DACT1: variants seen among roughly 807,000 people sequenced by gnomAD.
DACT1 encodes dapper homolog 1.
A neutral mutation model predicts 35.3 loss-of-function variants in DACT1; 19 were observed. The observed-to-expected ratio is 0.54, with a 90% confidence interval of 0.38 to 0.79. The LOEUF (loss-of-function observed/expected upper bound fraction) is 0.79. Ranked by LOEUF, DACT1 falls within the 30% of genes least tolerant of loss-of-function variation. The probability of loss-of-function intolerance (pLI) is 0.00; values close to 1 mark genes in which losing one functional copy is unlikely to be tolerated. For missense variants in DACT1, 1,143 were observed against 1,057.5 expected (o/e 1.08, Z -1.12); for synonymous variants, 545 against 466.7 (o/e 1.17, Z -2.16).
In DACT1 at chr14:58,645,723, C is replaced by T. The variant is rs564164674; in HGVS notation, c.989C>T (p.Thr330Met). ...AGAACCAGCGTGAACGCTGACCCCA[C>T]GAAAGGGCTTCTGAGGAACGGGAGC... ...KPRTSVNADP[T>M]KGLLRNGSVC... The change falls in exon 4 of 4, where the codon ACG becomes ATG. Residue 330 changes from threonine (T) to methionine (M), a missense_variant. Coordinates refer to ENST00000395153, the MANE Select transcript of DACT1 (RefSeq NM_001079520.2). 4 of 1,614,118 alleles carry T rather than the reference C, an allele frequency of 2.5e-6. No individual in the cohort carries two copies. Among genetic ancestry groups the T allele is most frequent in the African/African-American group, 1.3e-5 (1 of 74,944 alleles).
chr14:58,647,473 C>A lies in DACT1; in HGVS notation c.*339C>A. The A allele has an allele frequency of 3.3e-6, 1 of 302,440 alleles. No homozygotes were observed. 18.7% of individuals were successfully genotyped at this position (302,440 alleles called of 1,614,324 possible). ...TTTTATTGGGATAAGATCTTTTGAT[C>A]CCAAGGTCAGGTGGATGGAATTTTT... On this transcript the variant is annotated 3_prime_UTR_variant, in exon 4 of 4. Coordinates refer to ENST00000395153, the MANE Select transcript of DACT1 (RefSeq NM_001079520.2).
chr14:58,638,717 G>A (rs984686711), intron 1 of DACT1, 170 bp downstream of exon 1: 10 of 1,183,646 alleles, frequency 8.4e-6, no homozygotes, highest in African/African-American at 1.6e-5. Flanking sequence ...TGCCCGCGGC[G>A]TGTGGGCTGC....
chr14:58,637,266 A>G (rs920405200), upstream of DACT1, among the ~76,000 whole-genome samples: 2 of 152,282 alleles, frequency 1.3e-5, no homozygotes, highest in Admixed American at 6.5e-5. Context: ...GTAGGCTTGT[A>G]AAAGAATTGA....
intron 1 of DACT1, among the ~76,000 whole-genome samples, chr14:58,639,786 C>G (rs900634420): frequency 1.3e-5 from 2 of 152,242 alleles, no homozygotes; most frequent in Non-Finnish European, 2.9e-5. Flanking sequence ...TGGCATTTTA[C>G]TGTGCTGCTT....
At chr14:58,639,225 T>C in intron 1 of DACT1, 1 of 985,450 alleles carries the variant, frequency 1.0e-6, no homozygotes, top group Non-Finnish European at 1.2e-6. Context: ...CCAGCTGTGA[T>C]TGGTGGTGGA....
At chr14:58,634,397 T>C (rs2047560846), upstream of DACT1, among the ~76,000 whole-genome samples, 1 of 152,236 alleles carries the variant, frequency 6.6e-6, no homozygotes, top group Non-Finnish European at 1.5e-5. Flanking sequence ...CGCTTCTTTT[T>C]TCTTGATCTT....
upstream of DACT1, among the ~76,000 whole-genome samples, chr14:58,637,633 T>C (rs1405668810): frequency 6.6e-6 from 1 of 152,150 alleles, no homozygotes; most frequent in African/African-American, 2.4e-5. Flanking sequence ...CGCGGCCGAC[T>C]GTAACAGGAT....
intron 3 of DACT1, 81 bp from the exon 4 acceptor site, chr14:58,645,288 G>T (rs780225052): frequency 6.2e-7 from 1 of 1,614,100 alleles, no homozygotes; most frequent in Admixed American, 1.7e-5. Context: ...TATAAAGAAG[G>T]CCACTGTGAA....
rs2140221668 is a variant in DACT1, at chr14:58,647,222, T to TAAA, written c.*90_*91insAAA. 1.4e-6 allele frequency: 2 copies of TAAA among 1,430,946 alleles called. No individual in the cohort carries two copies. The highest frequency in any genetic ancestry group is 2.5e-5 in the South Asian group (2 of 80,116). The allele number at this position is 1,430,946 out of a possible 1,614,324, so 88.6% of individuals were successfully genotyped here. On this transcript the variant is annotated 3_prime_UTR_variant, in exon 4 of 4. Transcript: ENST00000395153. Reference sequence around the variant, plus strand: ...AAAAGGTGGTGTTTTCATTTTTGTATAATACTTTAATGGAATGCTTTTTAA... The same window carrying TAAA: ...AAAAGGTGGTGTTTTCATTTTTGTATAAAAATACTTTAATGGAATGCTTTTTAA...
rs777468833 is a variant in DACT1, at chr14:58,646,413, G to T, written c.1679G>T (p.Gly560Val). ...CCAGCCCTCCAGGGGCTGGAGAACG[G>T]CTTGCCCACCGTCAGGGAGAAAACG... ...RGPALQGLEN[G>V]LPTVREKTRA... Residue 560 changes from glycine (G) to valine (V), a missense_variant, in exon 4 of 4, where the codon GGC (glycine) becomes GTC (valine). Physicochemically the swap from Gly to Val is moderately radical, Grantham distance 109 (BLOSUM62 -3). Transcript: ENST00000395153. 7 of 1,600,546 alleles carry T rather than the reference G, an allele frequency of 4.4e-6. No homozygotes were observed. In the South Asian group the frequency reaches 6.7e-5, roughly 15 times the overall value.
In DACT1 at chr14:58,646,583, G is replaced by A; in HGVS notation, c.1849G>A (p.Gly617Arg). ...GCCCGCGGGCGGGGGCCACAGGGCG[G>A]GGAGCAGGGCGCATGGCCACGGACG... ...GRPAGGGHRA[G>R]SRAHGHGREA... The change falls in exon 4 of 4, where the codon GGG becomes AGG. Residue 617 changes from glycine to arginine, a missense_variant. By Grantham distance (125) the Gly-to-Arg change is moderately radical. This residue lies in a region of DACT1 where 1,054 missense variants were observed against 958.8 expected (regional missense o/e 1.10). Transcript: ENST00000395153. 2 of 1,578,970 alleles carry A rather than the reference G, an allele frequency of 1.3e-6. No individual in the cohort carries two copies. Among genetic ancestry groups the A allele is most frequent in the South Asian group, 1.1e-5 (1 of 87,460 alleles).
chr14:58,638,809 C>G (rs759559327), intron 1 of DACT1: 210 of 1,169,852 alleles, frequency 1.8e-4, no homozygotes, highest in Non-Finnish European at 2.1e-4. Context: ...GGCCGCTCTT[C>G]CCTCCTCCTC....
rs540517662 is a variant in DACT1 at position 58,641,880 on chromosome 14, T to G, written c.634+133T>G. 3.8e-5 allele frequency: 31 copies of G among 809,522 alleles called. No individual in the cohort carries two copies. In the South Asian group the frequency reaches 5.5e-4, roughly 14 times the overall value. 50.1% of individuals were successfully genotyped at this position (809,522 alleles called of 1,614,324 possible). Reference sequence around the variant, plus strand: ...CACTTTGCGGCATTTAGTGCCATACTTACATCTAGAACTCAGTTTCATCTA... The same window carrying G: ...CACTTTGCGGCATTTAGTGCCATACGTACATCTAGAACTCAGTTTCATCTA... On this transcript the variant is annotated intron_variant, in intron 3 of 3. Coordinates refer to ENST00000395153, the MANE Select transcript of DACT1 (RefSeq NM_001079520.2).
chr14:58,641,883 C>A (rs1373804599), intron 3 of DACT1, 136 bp downstream of exon 3: 2 of 782,800 alleles, frequency 2.6e-6, no homozygotes, highest in Admixed American at 2.8e-5. Flanking sequence ...GCCATACTTA[C>A]ATCTAGAACT....
intron 3 of DACT1, among the ~76,000 whole-genome samples, chr14:58,644,709 C>T (rs958484247): frequency 1.3e-5 from 2 of 152,108 alleles, no homozygotes; most frequent in African/African-American, 2.4e-5. Flanking sequence ...GCCTACTGAA[C>T]GTACAGTTTA....
intron 3 of DACT1, among the ~76,000 whole-genome samples, chr14:58,642,949 C>T (rs1348197773): frequency 2.6e-5 from 4 of 152,234 alleles, no homozygotes; most frequent in Non-Finnish European, 4.4e-5. Context: ...GTGTCACACA[C>T]TACTGGATGC....
Position 58,645,412 on chromosome 14 carries a change from G to T in DACT1, c.678G>T (p.Gly226=). 1 of 1,614,222 alleles carries T rather than the reference G, an allele frequency of 6.2e-7. No homozygotes were observed. The highest frequency in any genetic ancestry group is 8.5e-7 in the Non-Finnish European group (1 of 1,180,038). The change falls in exon 4 of 4, where the codon GGG becomes GGT. Residue 226 remains glycine (G), a synonymous_variant. Transcript: ENST00000395153. Reference sequence around the variant, plus strand: ...AGTGTGATCTGGTGTCTAAAAACGGGAATGATGTATATCGCTATCCCAGTC... The same window carrying T: ...AGTGTGATCTGGTGTCTAAAAACGGTAATGATGTATATCGCTATCCCAGTC... ...KYQCDLVSKN[G]NDVYRYPSPL...
Position 58,638,462 on chromosome 14 carries a change from G to C in DACT1, c.260G>C (p.Gly87Ala). 2.2e-6 allele frequency: 3 copies of C among 1,357,978 alleles called. No homozygotes were observed. The highest frequency in any genetic ancestry group is 2.9e-6 in the Non-Finnish European group (3 of 1,050,456). 84.1% of individuals were successfully genotyped at this position (1,357,978 alleles called of 1,614,324 possible). ...GGAGAAAPRA[G>A]ELLGEAAQRS... ...GCGGGAGCCGCTGCGCCCCGCGCTG[G>C]GGAGCTACTGGGGGAGGCGGCGCAG... The change falls in exon 1 of 4, where the codon GGG becomes GCG. Residue 87 changes from glycine to alanine, a missense_variant. By Grantham distance (60) the Gly-to-Ala change is moderately conservative. Around this residue, in one of 3 missense-constraint regions of DACT1, gnomAD observed 1,054 missense variants for 958.8 expected, o/e 1.10. Coordinates refer to ENST00000395153, the MANE Select transcript of DACT1 (RefSeq NM_001079520.2).
At chr14:58,634,670 A>G (rs967628622), upstream of DACT1, among the ~76,000 whole-genome samples, 12 of 152,234 alleles carry the variant, frequency 7.9e-5, no homozygotes, top group African/African-American at 2.9e-4. Flanking sequence ...TTGTTTGGCC[A>G]TAAAAGCTGC....
Sources: gnomAD v4.1 joint callset for allele counts (sites outside exome capture counted in the v4.1 genomes callset) on GRCh38, gnomAD v4.1.1 for gene constraint, gnomAD v4.1.1 regional missense constraint, MANE v1.5 for transcripts, NCBI Gene and HGNC (gene_info 2026-07-23, HGNC 2026-07-21) for gene names.